GNG2: variants seen among roughly 807,000 people sequenced by gnomAD.
GNG2 encodes guanine nucleotide-binding protein G(I)/G(S)/G(O) subunit gamma-2.
A neutral mutation model predicts 5.5 loss-of-function variants in GNG2; 5 were observed. The observed-to-expected ratio is 0.91, with a 90% confidence interval of 0.48 to 1.92. GNG2 has a LOEUF of 1.92. Ranked by LOEUF, GNG2 falls within the 30% of genes most tolerant of loss-of-function variation. The pLI, the probability that GNG2 is intolerant of heterozygous loss-of-function variation, is 0.01. For missense variants in GNG2, 55 were observed against 88.4 expected, an observed-to-expected ratio of 0.62 and a Z score of 1.52; for synonymous variants, 28 against 32.0, an observed-to-expected ratio of 0.88 and a Z score of 0.42.
chr14:51,874,998 A>G (rs1883561942), intron 1 of GNG2, among the ~76,000 whole-genome samples: 1 of 152,220 alleles, frequency 6.6e-6, no homozygotes, highest in South Asian at 2.1e-4. Flanking sequence ...AAAAATGTGG[A>G]AATTATTGAA....
At chr14:51,828,513 CAAG>C (rs1881094193) in intron 2 of GNG2, among the ~76,000 whole-genome samples, 1 of 152,124 alleles carries the variant, frequency 6.6e-6, no homozygotes, top group Non-Finnish European at 1.5e-5. Context: ...CACAAAACAA[CAAG>C]GAGATAATCA....
At chr14:51,907,498 A>G (rs1886006031) in intron 2 of GNG2, among the ~76,000 whole-genome samples, 1 of 152,188 alleles carries the variant, frequency 6.6e-6, no homozygotes, top group African/African-American at 2.4e-5. Context: ...ACCTGTATTG[A>G]AAAGGAGTCC....
intron 2 of GNG2, among the ~76,000 whole-genome samples, chr14:51,944,427 C>A (rs1420998241): frequency 6.6e-6 from 1 of 152,166 alleles, no homozygotes; most frequent in Admixed American, 6.5e-5. Context: ...ATAATTTATG[C>A]AGACTCCACC....
At chr14:51,884,973 C>A (rs59417467) in intron 2 of GNG2, among the ~76,000 whole-genome samples, 4,698 of 152,170 alleles carry the variant, frequency 0.031, 296 homozygotes, top group East Asian at 0.24. Context: ...CAGTAAGAAT[C>A]ATGGAAAGCT....
chr14:51,918,037 C>CAAAAAAAAAAAAA (rs34991244), intron 2 of GNG2, among the ~76,000 whole-genome samples: 2 of 93,884 alleles, frequency 2.1e-5, no homozygotes, highest in Admixed American at 1.2e-4. Context: ...AAAAACAAAC[C>CAAAAAAAAAAAAA]AAAAAAAAAA....
intron 2 of GNG2, among the ~76,000 whole-genome samples, chr14:51,929,477 C>T (rs1046482431): frequency 1.3e-5 from 2 of 152,144 alleles, no homozygotes; most frequent in Admixed American, 6.6e-5. Context: ...ATCACAGAAC[C>T]CTCTAGCAGC....
rs376997920 is a variant in GNG2, at chr14:51,864,451, G to C, written c.-71+3661G>C. On this transcript the variant is annotated intron_variant, in intron 1 of 3. Transcript: ENST00000556766. ...GATCTTTTAACATAATGTGTCATTA[G>C]ATAATAATCATAATCTTCGTATTTA... Among the ~76,000 whole-genome samples the C allele has an allele frequency of 3.9e-5, 6 of 152,170 alleles. No individual in the cohort carries two copies. The East Asian group carries it at 9.6e-4, about 24-fold the overall frequency.
At chr14:51,901,796 T>A (rs1449051099) in intron 2 of GNG2, among the ~76,000 whole-genome samples, 2 of 151,946 alleles carry the variant, frequency 1.3e-5, no homozygotes, top group Non-Finnish European at 2.9e-5. Context: ...CTGGGAGGCA[T>A]TAGCATCCAG....
At chr14:51,924,302 A>G (rs577360713) in intron 2 of GNG2, among the ~76,000 whole-genome samples, 197 of 152,356 alleles carry the variant, frequency 1.3e-3, no homozygotes, top group African/African-American at 4.6e-3. Context: ...GAAGACCCCT[A>G]TTAAATTGTG....
At chr14:51,944,512 A>G (rs968491047) in intron 2 of GNG2, among the ~76,000 whole-genome samples, 8 of 152,216 alleles carry the variant, frequency 5.3e-5, no homozygotes, top group Non-Finnish European at 4.4e-5. Context: ...TCACATGTGA[A>G]TGTGGGAAAG....
At chr14:51,893,136 G>A (rs2140164350) in intron 2 of GNG2, among the ~76,000 whole-genome samples, 1 of 152,234 alleles carries the variant, frequency 6.6e-6, no homozygotes, top group African/African-American at 2.4e-5. Flanking sequence ...CCCAAACAGG[G>A]GGATTGTTGA....
chr14:51,908,335 T>G (rs1182906598), intron 2 of GNG2, among the ~76,000 whole-genome samples: 2 of 152,202 alleles, frequency 1.3e-5, no homozygotes, highest in Non-Finnish European at 2.9e-5. Context: ...ATTTCTATAC[T>G]ATTCTGTTGG....
intron 1 of GNG2, among the ~76,000 whole-genome samples, chr14:51,861,034 T>C (rs990415359): frequency 1.3e-5 from 2 of 152,136 alleles, no homozygotes; most frequent in Non-Finnish European, 2.9e-5. Context: ...TACAAGAAGC[T>C]GTTTGTATAG....
chr14:51,938,338 G>T (rs2140259538), intron 2 of GNG2, among the ~76,000 whole-genome samples: 1 of 152,288 alleles, frequency 6.6e-6, no homozygotes, highest in African/African-American at 2.4e-5. Context: ...TTGTTATGAG[G>T]AATGGAGATT....
At chr14:51,855,061 C>T (rs1176119183) in intron 2 of GNG2, among the ~76,000 whole-genome samples, 1 of 152,160 alleles carries the variant, frequency 6.6e-6, no homozygotes, top group African/African-American at 2.4e-5. Flanking sequence ...GCATCTTTAA[C>T]TCATTCATCA....
chr14:51,966,711 C>A lies in GNG2; in HGVS notation c.*24C>A, dbSNP rs370266185. 1 of 1,606,732 alleles carries A rather than the reference C, an allele frequency of 6.2e-7. No individual in the cohort carries two copies. The highest frequency in any genetic ancestry group is 8.5e-7 in the Non-Finnish European group (1 of 1,173,498). The stretch of plus-strand genomic sequence containing the variant: ...AAGTCTTTGAGAGGGGCCTGAAGAG[C>A]CTCCGGGCTCCTGGGACATTGATGT... On this transcript the variant is annotated 3_prime_UTR_variant, in exon 4 of 4. Coordinates refer to ENST00000556766, the MANE Select transcript of GNG2 (RefSeq NM_053064.5).
At chr14:51,852,378 T>G (rs887553873) in intron 2 of GNG2, among the ~76,000 whole-genome samples, 1 of 152,252 alleles carries the variant, frequency 6.6e-6, no homozygotes, top group Non-Finnish European at 1.5e-5. Context: ...ACACCTACTG[T>G]GTCCTATGCA....
chr14:51,931,658 G>A (rs566379207), intron 2 of GNG2, among the ~76,000 whole-genome samples: 1 of 152,158 alleles, frequency 6.6e-6, no homozygotes, highest in East Asian at 1.9e-4. Flanking sequence ...GAAATGACAG[G>A]AAAGCAAGAC....
intron 2 of GNG2, among the ~76,000 whole-genome samples, chr14:51,834,379 G>A (rs73287156): frequency 0.053 from 8,075 of 152,228 alleles, 468 homozygotes; most frequent in African/African-American, 0.14. Context: ...TGCCTGCCAC[G>A]GACTCCCCTG....
Sources: allele counts gnomAD v4.1 joint callset (sites outside exome capture counted in the v4.1 genomes callset), GRCh38; gene constraint gnomAD v4.1.1; transcripts MANE v1.5; gene names NCBI Gene and HGNC (gene_info 2026-07-23, HGNC 2026-07-21).